TLN1: variants seen among roughly 807,000 people sequenced by gnomAD.
TLN1 encodes talin 1.
Under a neutral mutation model 292.3 loss-of-function variants are expected in TLN1, and 56 were observed. That is an observed-to-expected ratio of 0.19 (90% CI 0.15 to 0.24). TLN1 has a LOEUF of 0.24. TLN1 is among the 10% of genes least tolerant of loss of function. The pLI is 1.00. For synonymous variants in TLN1, 1,119 were observed against 1,253.7 expected (o/e 0.89, Z 2.27); for missense variants, 2,433 against 3,248.2 (o/e 0.75, Z 6.10).
intron 27 of TLN1, among the ~76,000 whole-genome samples, chr9:35,712,416 G>C (rs186739747): frequency 1.3e-5 from 2 of 152,202 alleles, no homozygotes; most frequent in African/African-American, 4.8e-5. Flanking sequence ...GAGGCCGAGG[G>C]GGGCAGATCA....
At position 35,700,339 on chromosome 9, in the gene TLN1, G is replaced by A. The variant is rs1825442786; in HGVS notation, c.6512C>T (p.Thr2171Ile). ...CSPEPPAKTS[T>I]PEDFIRMTKG... The stretch of plus-strand genomic sequence containing the variant: ...GGTCATTCGGATGAAGTCTTCTGGG[G>A]TAGAGGTCTTGGCAGGTGGCTCTGG... The change falls in exon 49 of 57, where the codon ACC becomes ATC. Residue 2171 changes from threonine to isoleucine, a missense_variant. Thr to Ile is a moderately conservative substitution (Grantham distance 89, BLOSUM62 -1). Transcript: ENST00000314888. The A allele has an allele frequency of 1.2e-6, 2 of 1,609,002 alleles. No homozygotes were observed. The highest frequency in any genetic ancestry group is 8.5e-7 in the Non-Finnish European group (1 of 1,175,686).
At position 35,720,785 on chromosome 9, in the gene TLN1, G is replaced by C. The variant is rs764733839; in HGVS notation, c.1206+27C>G. 9 of 1,599,524 alleles carry C rather than the reference G, an allele frequency of 5.6e-6. No individual in the cohort carries two copies. In the South Asian group the frequency reaches 8.8e-5, roughly 16 times the overall value. Reference sequence around the variant, plus strand: ...TGTGGAGAGGGCAAGAGGCGATAAGGAGAAGGCTAGGGCAGGCAGTGCTCA... The same window carrying C: ...TGTGGAGAGGGCAAGAGGCGATAAGCAGAAGGCTAGGGCAGGCAGTGCTCA... On this transcript the variant is annotated intron_variant, in intron 11 of 56. Transcript: ENST00000314888.
chr9:35,715,742 GCCTTGGACTTAAGA>G (rs892936436), intron 20 of TLN1, among the ~76,000 whole-genome samples: 4 of 151,342 alleles, frequency 2.6e-5, no homozygotes, highest in Admixed American at 6.6e-5. Flanking sequence ...GTAAAAATAG[GCCTTGGACTTAAGA>G]CCTTGGACTT....
In TLN1 at chr9:35,713,143, A is replaced by T. The variant is rs574191249; in HGVS notation, c.3352+53T>A. 6.3e-6 allele frequency: 10 copies of T among 1,577,536 alleles called. No homozygotes were observed. The African/African-American group carries it at 9.4e-5, about 15-fold the overall frequency. ...CAGTCCCATCCCTCATCCAGCTCCC[A>T]TTTTCCTACCTCCCTCACAATATGC... is the stretch of plus-strand genomic sequence containing the variant. On this transcript the variant is annotated intron_variant, in intron 26 of 56. Transcript: ENST00000314888.
In TLN1 at chr9:35,697,613, G is replaced by T; in HGVS notation, c.*178C>A. The T allele has an allele frequency of 1.2e-6, 1 of 861,154 alleles. No individual in the cohort carries two copies. The highest frequency in any genetic ancestry group is 1.8e-6 in the Non-Finnish European group (1 of 566,880). 53.3% of individuals were successfully genotyped at this position (861,154 alleles called of 1,614,324 possible). ...GGGGCCCTAGGGCATGAAGGCACTT[G>T]GGGTTGGGGAGGGGACAGGGGATGT... On this transcript the variant is annotated 3_prime_UTR_variant, in exon 57 of 57. Coordinates refer to ENST00000314888, the MANE Select transcript of TLN1 (RefSeq NM_006289.4).
Position 35,714,805 on chromosome 9 carries a change from G to T in TLN1, c.2826C>A (p.Pro942=). ...IAAAQHAAST[P]KASAGPQPLL... is the part of the protein sequence containing the mutation. ...GGGGCTGGGGGCCGGCAGAGGCCTTGGGGGTAGAGGCTGCGTGCTGAGCTG... is the reference window on the plus strand; with the variant it reads ...GGGGCTGGGGGCCGGCAGAGGCCTTTGGGGTAGAGGCTGCGTGCTGAGCTG... Residue 942 remains proline (P), a synonymous_variant, in exon 22 of 57, where the codon CCC becomes CCA. Transcript: ENST00000314888. This position sits in a 1 kb window ranked among gnomAD's most constrained non-coding sequence, Gnocchi z 4.6. The T allele has an allele frequency of 6.3e-7, 1 of 1,579,994 alleles. No individual in the cohort carries two copies. Among genetic ancestry groups the T allele is most frequent in the Non-Finnish European group, 8.6e-7 (1 of 1,163,018 alleles).
chr9:35,699,989 C>G lies in TLN1; in HGVS notation c.6753G>C (p.Leu2251=). The change falls in exon 50 of 57, where the codon CTG becomes CTC. Residue 2251 remains leucine (L), a synonymous_variant. Coordinates refer to ENST00000314888, the MANE Select transcript of TLN1 (RefSeq NM_006289.4). This position sits in a 1 kb window ranked among gnomAD's most constrained non-coding sequence, Gnocchi z 4.0. ...CCTCCCTTACCAGCAGTACATGGTC[C>G]AGCAGTTCCAGGTAGCCATTGGCAC... ...RECANGYLEL[L]DHVLLTLQKP... is the part of the protein sequence containing the mutation. The G allele has an allele frequency of 6.2e-7, 1 of 1,612,726 alleles. No individual in the cohort carries two copies. The highest frequency in any genetic ancestry group is 8.5e-7 in the Non-Finnish European group (1 of 1,179,152).
chr9:35,713,919 A>G, intron 25 of TLN1, 34 bp downstream of exon 25: 1 of 1,612,964 alleles, frequency 6.2e-7, no homozygotes, highest in South Asian at 1.1e-5. Context: ...AGACTTTAGG[A>G]TTTGAGTAAG....
chr9:35,721,040 G>A, intron 10 of TLN1, 127 bp from the exon 11 acceptor site: 1 of 645,172 alleles, frequency 1.5e-6, no homozygotes, highest in Non-Finnish European at 2.7e-6. Context: ...CTTGGAAGAT[G>A]CCCACCTTTC....
At position 35,706,533 on chromosome 9, in the gene TLN1, G is replaced by A. The variant is rs773820311; in HGVS notation, c.5107C>T (p.Leu1703Phe). The A allele has an allele frequency of 1.2e-5, 20 of 1,614,046 alleles. 1 individual carries two copies. The Admixed American group carries it at 2.5e-4, about 20-fold the overall frequency. ...ISQEALHTQM[L>F]TAVQEISHLI... ...TGGGAGATCTCTTGGACTGCAGTGA[G>A]CATCTGAGTGTGCAAGGCCTGGGGA... The change falls in exon 39 of 57, where the codon CTC (leucine) becomes TTC (phenylalanine). Residue 1703 changes from leucine (L) to phenylalanine (F), a missense_variant. Leu to Phe is a conservative substitution (Grantham distance 22). This residue lies in a region of TLN1 where 1,384 missense variants were observed against 1,699.6 expected (regional missense o/e 0.81). Coordinates refer to ENST00000314888, the MANE Select transcript of TLN1 (RefSeq NM_006289.4). The surrounding 1 kb of genome is among the most constrained non-coding windows in gnomAD (Gnocchi z 4.2).
chr9:35,714,461 C>T lies in TLN1; in HGVS notation c.2986-88G>A. 1 of 1,576,212 alleles carries T rather than the reference C, an allele frequency of 6.3e-7. No individual in the cohort carries two copies. On this transcript the variant is annotated intron_variant, in intron 23 of 56. Transcript: ENST00000314888. This position sits in a 1 kb window ranked among gnomAD's most constrained non-coding sequence, Gnocchi z 4.6. The stretch of plus-strand genomic sequence containing the variant: ...CTGATGATGGTCAGGATGTAGGGAA[C>T]ACTGGGGCTTGGTATTGGGAAAGAG...
rs753934231 is a variant in TLN1, at chr9:35,711,756, T to C, written c.3718A>G (p.Ser1240Gly). ...PSTGTFQEAQ[S>G]RLNEAAAGLN... is the part of the protein sequence containing the mutation. ...CCAGCAGCAGCTTCATTCAACCGGC[T>C]CTGAGCTTCTTGAAATGTCCCAGTG... Residue 1240 changes from serine (S) to glycine (G), a missense_variant, in exon 29 of 57, where the codon AGC (serine) becomes GGC (glycine). Physicochemically the swap from Ser to Gly is moderately conservative, Grantham distance 56 (BLOSUM62 0). This residue lies in a region of TLN1 where 1,384 missense variants were observed against 1,699.6 expected (regional missense o/e 0.81). Coordinates refer to ENST00000314888, the MANE Select transcript of TLN1 (RefSeq NM_006289.4). 3 of 1,614,052 alleles carry C rather than the reference T, an allele frequency of 1.9e-6. No homozygotes were observed. In the South Asian group the frequency reaches 3.3e-5, roughly 18 times the overall value.
chr9:35,710,181 C>A (rs1825641192), intron 33 of TLN1, among the ~76,000 whole-genome samples: 1 of 143,150 alleles, frequency 7.0e-6, no homozygotes, highest in Admixed American at 7.6e-5. Context: ...CTAGATCACG[C>A]CATTGCACTT....
chr9:35,698,698 C>A lies in TLN1; in HGVS notation c.7126-19G>T, dbSNP rs764794629. 1.2e-6 allele frequency: 2 copies of A among 1,614,084 alleles called. No homozygotes were observed. The highest frequency in any genetic ancestry group is 1.7e-6 in the Non-Finnish European group (2 of 1,180,014). ...CACCCACCTGTAGGAAGGAGAAGAGCCTACTTAGACCTGCATTTTCCTCAC... is the reference window on the plus strand; with the variant it reads ...CACCCACCTGTAGGAAGGAGAAGAGACTACTTAGACCTGCATTTTCCTCAC... On this transcript the variant is annotated intron_variant, in intron 53 of 56. Coordinates refer to ENST00000314888, the MANE Select transcript of TLN1 (RefSeq NM_006289.4). This position sits in a 1 kb window ranked among gnomAD's most constrained non-coding sequence, Gnocchi z 5.3.
Position 35,705,613 on chromosome 9 carries a change from T to C in TLN1, c.5671A>G (p.Ser1891Gly). Reference protein sequence around the residue: ...ELGPLANQLTSDYGRLASEAK... With the variant: ...ELGPLANQLTGDYGRLASEAK... ...TCCGAGGCCAGACGGCCATAGTCACTGGTCAGCTGGTTAGCAAGAGGGCCC... is the reference window on the plus strand; with the variant it reads ...TCCGAGGCCAGACGGCCATAGTCACCGGTCAGCTGGTTAGCAAGAGGGCCC... The change falls in exon 43 of 57, where the codon AGT (serine) becomes GGT (glycine). Residue 1891 changes from serine to glycine, a missense_variant. Transcript: ENST00000314888. 6.2e-7 allele frequency: 1 copy of C among 1,608,172 alleles called. No individual in the cohort carries two copies. Among genetic ancestry groups the C allele is most frequent in the Non-Finnish European group, 8.5e-7 (1 of 1,175,224 alleles).
rs1159129913 is a variant in TLN1 at position 35,724,995 on chromosome 9, T to C, written c.229-36A>G. On this transcript the variant is annotated intron_variant, in intron 3 of 56. Coordinates refer to ENST00000314888, the MANE Select transcript of TLN1 (RefSeq NM_006289.4). The surrounding 1 kb of genome is among the most constrained non-coding windows in gnomAD (Gnocchi z 4.7). ...AGGAAGAAGAGACAGGGGCCTACTC[T>C]GAGCTAGGGGTATTATTTCCTCTTT... The C allele has an allele frequency of 1.9e-6, 3 of 1,613,092 alleles. No homozygotes were observed. The highest frequency in any genetic ancestry group is 2.5e-6 in the Non-Finnish European group (3 of 1,179,936).
chr9:35,703,961 C>T (rs761506352), intron 46 of TLN1, 30 bp downstream of exon 46: 2 of 1,612,598 alleles, frequency 1.2e-6, no homozygotes, highest in Middle Eastern at 1.6e-4. Context: ...GAAGTGATTC[C>T]AGCCGGAATT....
Position 35,721,636 on chromosome 9 carries a change from C to T in TLN1, c.1104+12G>A. The stretch of plus-strand genomic sequence containing the variant: ...TCCCAAAGCACTTTCTTGTTATAGT[C>T]CCCAGACTTACCAGGGTGAAGCTTT... On this transcript the variant is annotated intron_variant, in intron 10 of 56. Coordinates refer to ENST00000314888, the MANE Select transcript of TLN1 (RefSeq NM_006289.4). 1.2e-6 allele frequency: 2 copies of T among 1,610,564 alleles called. No homozygotes were observed. Among genetic ancestry groups the T allele is most frequent in the Non-Finnish European group, 1.7e-6 (2 of 1,177,022 alleles).
At position 35,699,381 on chromosome 9, in the gene TLN1, G is replaced by A. The variant is rs1825424631; in HGVS notation, c.6849C>T (p.Leu2283=). ...SKRVAGSVTE[L]IQAAEAMKGT... is the part of the protein sequence containing the mutation. Reference sequence around the variant, plus strand: ...CCTTCATGGCTTCAGCAGCCTGGATGAGCTCAGTGACGGAACCAGCCACAC... The same window carrying A: ...CCTTCATGGCTTCAGCAGCCTGGATAAGCTCAGTGACGGAACCAGCCACAC... Residue 2283 remains leucine, a synonymous_variant, in exon 51 of 57, where the codon CTC becomes CTT. Transcript: ENST00000314888. This position sits in a 1 kb window ranked among gnomAD's most constrained non-coding sequence, Gnocchi z 4.0. 1 of 1,613,650 alleles carries A rather than the reference G, an allele frequency of 6.2e-7. No individual in the cohort carries two copies. Among genetic ancestry groups the A allele is most frequent in the African/African-American group, 1.3e-5 (1 of 74,934 alleles).
Sources: allele counts gnomAD v4.1 joint callset (sites outside exome capture counted in the v4.1 genomes callset), GRCh38; gene constraint gnomAD v4.1.1; regional missense constraint gnomAD v4.1.1; non-coding constraint Gnocchi (gnomAD v3.1); transcripts MANE v1.5; gene names NCBI Gene and HGNC (gene_info 2026-07-23, HGNC 2026-07-21).